Variants in P2RY8 observed in about 807,000 individuals in gnomAD.
P2RY8 encodes P2Y receptor family member 8, also known as S-geranylgeranyl-glutathione receptor P2RY8.
Under a neutral mutation model 10.0 loss-of-function variants are expected in P2RY8, and 6 were observed. The ratio of observed to expected loss-of-function variants is 0.60; its 90% CI spans 0.33 to 1.19. P2RY8 has a LOEUF of 1.19. Among genes scored for constraint, P2RY8 ranks in the 50% most tolerant of loss-of-function variants. The pLI is 0.04. For missense variants in P2RY8, 456 were observed against 542.0 expected, an observed-to-expected ratio of 0.84 and a Z score of 1.58; for synonymous variants, 276 against 252.5, an observed-to-expected ratio of 1.09 and a Z score of -0.88.
intron 1 of P2RY8, among the ~76,000 whole-genome samples, chrX:1,505,754 C>T (rs1603457934): frequency 6.6e-6 from 1 of 152,214 alleles, no homozygotes; most frequent in East Asian, 1.9e-4. Context: ...GGCGCCATTG[C>T]ACTCCAGCTT....
At chrX:1,530,157 GATCTATCTATCTATCTATCTATCTATC>G (rs1240697665) in intron 1 of P2RY8, among the ~76,000 whole-genome samples, 2,629 of 42,548 alleles carry the variant, frequency 0.062, 95 homozygotes, top group African/African-American at 0.12. Context: ...ATGTATGTAT[GATCTATCTATCTATCTATCTATCTATC>G]TATCTATCTA....
Position 1,466,640 on chromosome X carries a change from C to T in P2RY8, c.-24-58G>A, listed in dbSNP as rs2091682075. 3.3e-6 allele frequency: 5 copies of T among 1,493,508 alleles called. No individual in the cohort carries two copies. The African/African-American group carries it at 5.6e-5, about 17-fold the overall frequency. The allele number at this position is 1,493,508 out of a possible 1,614,324, so 92.5% of individuals were successfully genotyped here. ...AGGGGCGCAGGTAAAGAGGCGGCTG[C>T]CGGGAGGGCTCCTGAGCGCCGCTCC... is the stretch of plus-strand genomic sequence containing the variant. On this transcript the variant is annotated intron_variant, in intron 1 of 1. Transcript: ENST00000381297.
At chrX:1,483,648 A>T (rs2091959429) in intron 1 of P2RY8, among the ~76,000 whole-genome samples, 1 of 151,882 alleles carries the variant, frequency 6.6e-6, no homozygotes, top group South Asian at 2.1e-4. Context: ...AGAGAGAAAA[A>T]AAAGAAACAA....
chrX:1,466,130 C>G lies in P2RY8; in HGVS notation c.429G>C (p.Ala143=), dbSNP rs1256856911. 1.9e-6 allele frequency: 3 copies of G among 1,611,552 alleles called. No homozygotes were observed. Among genetic ancestry groups the G allele is most frequent in the South Asian group, 1.1e-5 (1 of 90,900 alleles). ...GGAGCAGCAGCCAGGTCCCTGCACA[C>G]GCGGCCACCGCGTAACGACGGCGGC... ...RWRRRRYAVA[A]CAGTWLLLLT... The change falls in exon 2 of 2, where the codon GCG becomes GCC. Residue 143 remains alanine (A), a synonymous_variant. Transcript: ENST00000381297.
chrX:1,484,380 T>C (rs2091967307), intron 1 of P2RY8, among the ~76,000 whole-genome samples: 2 of 152,000 alleles, frequency 1.3e-5, no homozygotes, highest in African/African-American at 4.8e-5. Flanking sequence ...GAAAAGGATA[T>C]TTTAAAAGAT....
Position 1,466,126 on chromosome X carries a change from C to A in P2RY8, c.433G>T (p.Ala145Ser). The change falls in exon 2 of 2, where the codon GCA (alanine) becomes TCA (serine). Residue 145 changes from alanine to serine, a missense_variant. Coordinates refer to ENST00000381297, the MANE Select transcript of P2RY8 (RefSeq NM_178129.5). ...RRRRYAVAAC[A>S]GTWLLLLTAL... Reference sequence around the variant, plus strand: ...GTCAGGAGCAGCAGCCAGGTCCCTGCACACGCGGCCACCGCGTAACGACGG... The same window carrying A: ...GTCAGGAGCAGCAGCCAGGTCCCTGAACACGCGGCCACCGCGTAACGACGG... 6.2e-7 allele frequency: 1 copy of A among 1,611,606 alleles called. No individual in the cohort carries two copies. The highest frequency in any genetic ancestry group is 8.5e-7 in the Non-Finnish European group (1 of 1,179,402).
chrX:1,509,211 CTAGCCATCCATCTATTTATCTCTCTAT>C, intron 1 of P2RY8, among the ~76,000 whole-genome samples: 1 of 142,130 alleles, frequency 7.0e-6, no homozygotes. Flanking sequence ...ATCTACCTAT[CTAGCCATCCATCTATTTATCTCTCTAT>C]CATCTATGTA....
At chrX:1,526,065 T>C (rs1318858763) in intron 1 of P2RY8, among the ~76,000 whole-genome samples, 1 of 152,108 alleles carries the variant, frequency 6.6e-6, no homozygotes, top group Non-Finnish European at 1.5e-5. Context: ...TATTCATCCA[T>C]CCATCCATCT....
At chrX:1,501,620 G>T (rs1427865608) in intron 1 of P2RY8, among the ~76,000 whole-genome samples, 2 of 151,892 alleles carry the variant, frequency 1.3e-5, no homozygotes, top group Admixed American at 6.6e-5. Context: ...TTGAGACAAA[G>T]TTTCACTCTG....
At chrX:1,484,435 T>A (rs1242084407) in intron 1 of P2RY8, among the ~76,000 whole-genome samples, 1 of 151,738 alleles carries the variant, frequency 6.6e-6, no homozygotes, top group Non-Finnish European at 1.5e-5. Context: ...CACAAGAAAT[T>A]AACATTACAG....
intron 1 of P2RY8, among the ~76,000 whole-genome samples, chrX:1,478,395 A>G (rs879066638): frequency 6.6e-6 from 1 of 152,062 alleles, no homozygotes; most frequent in Admixed American, 6.6e-5. Flanking sequence ...AGGGTGACAG[A>G]CAGGTCCTTT....
intron 1 of P2RY8, among the ~76,000 whole-genome samples, chrX:1,536,013 G>T (rs2092523605): frequency 1.3e-5 from 2 of 152,082 alleles, no homozygotes; most frequent in Non-Finnish European, 2.9e-5. Context: ...GTGACGAGGG[G>T]CCACCGTGCT....
In P2RY8 at chrX:1,498,128, C is replaced by T. The variant is rs1212853813; in HGVS notation, c.-24-31546G>A. 5.3e-5 allele frequency among the ~76,000 whole-genome samples: 8 copies of T among 152,098 alleles called. No homozygotes were observed. In the South Asian group the frequency reaches 6.2e-4, roughly 12 times the overall value. ...AGTGTCAGAAAACTGTTGATGAGGCCGGGCGCGGTGGCTCACGCCTGTCAT... is the reference window on the plus strand; with the variant it reads ...AGTGTCAGAAAACTGTTGATGAGGCTGGGCGCGGTGGCTCACGCCTGTCAT... On this transcript the variant is annotated intron_variant, in intron 1 of 1. Transcript: ENST00000381297.
At chrX:1,528,517 G>T in intron 1 of P2RY8, among the ~76,000 whole-genome samples, 1 of 152,236 alleles carries the variant, frequency 6.6e-6, no homozygotes, top group East Asian at 1.9e-4. Context: ...CACTTTAAAC[G>T]TCCCAGGGAA....
rs1369003359 is a variant in P2RY8 at position 1,465,124 on chromosome X, C to T, written c.*355G>A. Reference sequence around the variant, plus strand: ...ACAGGTGTGAGGAGTGTCTAAGGAGCTCGGGGGTGACAGCCCAGCTCTACT... The same window carrying T: ...ACAGGTGTGAGGAGTGTCTAAGGAGTTCGGGGGTGACAGCCCAGCTCTACT... On this transcript the variant is annotated 3_prime_UTR_variant, in exon 2 of 2. Transcript: ENST00000381297. 2.7e-6 allele frequency: 1 copy of T among 374,266 alleles called. No individual in the cohort carries two copies. Among genetic ancestry groups the T allele is most frequent in the Admixed American group, 4.3e-5 (1 of 23,188 alleles). The allele number at this position is 374,266 out of a possible 1,614,324, so 23.2% of individuals were successfully genotyped here. A position where few individuals can be genotyped will look rare whatever the true frequency, so the allele number is the denominator to read the frequency against.
At chrX:1,532,434 T>C (rs2092483931) in intron 1 of P2RY8, among the ~76,000 whole-genome samples, 1 of 137,468 alleles carries the variant, frequency 7.3e-6, no homozygotes, top group African/African-American at 2.6e-5. Context: ...TATACACATA[T>C]ATGTATATAT....
At chrX:1,529,740 T>A (rs1235442003) in intron 1 of P2RY8, among the ~76,000 whole-genome samples, 1 of 152,122 alleles carries the variant, frequency 6.6e-6, no homozygotes, top group Admixed American at 6.5e-5. Flanking sequence ...GGCACCTATA[T>A]CTATTTATTT....
rs1179994281 is a variant in P2RY8 at position 1,474,878 on chromosome X, GTGGATGGATGGA to G, written c.-24-8308_-24-8297del. 2.3e-5 allele frequency among the ~76,000 whole-genome samples: 3 copies of G among 133,198 alleles called. No homozygotes were observed. In the South Asian group the frequency reaches 7.2e-4, roughly 32 times the overall value. The allele number at this position is 133,198 out of a possible 152,430, so 87.4% of individuals were successfully genotyped here. ...GATAGATGAATAGGTGTATGGGTGT[GTGGATGGATGGA>G]TGGATGGATGGATGGATAAGTGGGT... On this transcript the variant is annotated intron_variant, in intron 1 of 1. Coordinates refer to ENST00000381297, the MANE Select transcript of P2RY8 (RefSeq NM_178129.5).
intron 1 of P2RY8, among the ~76,000 whole-genome samples, chrX:1,524,079 G>A (rs2092411814): frequency 6.6e-6 from 1 of 152,160 alleles, no homozygotes. Context: ...GAGTTTTTTG[G>A]CATTGGAGTG....
Sources: allele counts gnomAD v4.1 joint callset (sites outside exome capture counted in the v4.1 genomes callset), GRCh38; gene constraint gnomAD v4.1.1; transcripts MANE v1.5; gene names NCBI Gene and HGNC (gene_info 2026-07-23, HGNC 2026-07-21).